The following ZMIZ1 variants were observed in gnomAD, a reference collection of about 807,000 sequenced individuals.
ZMIZ1 encodes zinc finger MIZ domain-containing protein 1.
Under a neutral mutation model 113.9 loss-of-function variants are expected in ZMIZ1, and 17 were observed. The observed-to-expected ratio is 0.15, with a 90% confidence interval of 0.10 to 0.22. The LOEUF (loss-of-function observed/expected upper bound fraction) is 0.22, where lower values mean the gene tolerates loss of function less well. ZMIZ1 is among the 10% of genes least tolerant of loss of function. The pLI, the probability that ZMIZ1 is intolerant of heterozygous loss-of-function variation, is 1.00. For synonymous variants in ZMIZ1, 607 were observed against 603.1 expected (o/e 1.01, Z -0.09); for missense variants, 1,059 against 1,477.8 (o/e 0.72, Z 4.65).
At chr10:79,291,845 G>A (rs914519463) in intron 10 of ZMIZ1, among the ~76,000 whole-genome samples, 2 of 152,172 alleles carry the variant, frequency 1.3e-5, no homozygotes, top group Admixed American at 6.5e-5. Context: ...AGCTGCAGCC[G>A]CAGCTCCGCC....
intron 4 of ZMIZ1, among the ~76,000 whole-genome samples, chr10:79,183,722 G>T (rs1050501371): frequency 6.6e-6 from 1 of 152,170 alleles, no homozygotes; most frequent in African/African-American, 2.4e-5. Context: ...TAATTATATC[G>T]TGTACTATGT....
intron 16 of ZMIZ1, among the ~76,000 whole-genome samples, chr10:79,299,955 T>G (rs1398892666): frequency 1.3e-5 from 2 of 150,480 alleles, no homozygotes; most frequent in Non-Finnish European, 2.9e-5. Flanking sequence ...CAGACCCCCT[T>G]GACTGCCCAG....
Position 79,307,448 on chromosome 10 carries a change from G to C in ZMIZ1, c.2712G>C (p.Gly904=). ...ATGGCAACTTTGACTTCCCCCACGG[G>C]AACCCTGGAGGGACATCCATGAATG... is the stretch of plus-strand genomic sequence containing the variant. The part of the protein sequence containing the change: ...QGHGNFDFPH[G]NPGGTSMNDF... Residue 904 remains glycine (G), a synonymous_variant, in exon 23 of 25, where the codon GGG becomes GGC. Transcript: ENST00000334512. 1 of 1,612,336 alleles carries C rather than the reference G, an allele frequency of 6.2e-7. No homozygotes were observed. Among genetic ancestry groups the C allele is most frequent in the Non-Finnish European group, 8.5e-7 (1 of 1,179,322 alleles).
At chr10:79,138,103 C>G (rs1480129152) in intron 2 of ZMIZ1, among the ~76,000 whole-genome samples, 1 of 152,172 alleles carries the variant, frequency 6.6e-6, no homozygotes, top group East Asian at 1.9e-4. Flanking sequence ...CAGCCAGGGT[C>G]TCCAACCTGT....
chr10:79,204,256 C>G (rs1848220248), intron 5 of ZMIZ1, among the ~76,000 whole-genome samples: 1 of 152,212 alleles, frequency 6.6e-6, no homozygotes, highest in South Asian at 2.1e-4. Context: ...TGCTGGCGTT[C>G]ACCAACCCCC....
chr10:79,097,868 T>A (rs993347443), intron 1 of ZMIZ1, among the ~76,000 whole-genome samples: 2 of 152,188 alleles, frequency 1.3e-5, no homozygotes, highest in African/African-American at 4.8e-5. Context: ...GAGGAGTTCC[T>A]GGAGAGGCCT....
intron 7 of ZMIZ1, among the ~76,000 whole-genome samples, chr10:79,273,489 C>T (rs1302532690): frequency 6.6e-6 from 1 of 152,182 alleles, no homozygotes; most frequent in African/African-American, 2.4e-5. Context: ...TCCCGAGTAG[C>T]TGAGATTAGA....
At chr10:79,221,658 G>T (rs995880567) in intron 7 of ZMIZ1, among the ~76,000 whole-genome samples, 3 of 152,134 alleles carry the variant, frequency 2.0e-5, no homozygotes, top group African/African-American at 7.2e-5. Flanking sequence ...CCAAGCACCA[G>T]GCAGTCGCCA....
intron 19 of ZMIZ1, among the ~76,000 whole-genome samples, chr10:79,304,391 G>A (rs573972766): frequency 6.6e-6 from 1 of 152,192 alleles, no homozygotes; most frequent in Non-Finnish European, 1.5e-5. Flanking sequence ...AAATGGGTTC[G>A]GACAGCCCCT....
In ZMIZ1 at chr10:79,315,875, G is replaced by C. The variant is rs1168822724; in HGVS notation, c.*3126G>C. ...AAAACAAAACAAAAAAAAAAGCTTGGAACTCCATCACGTGGAAAAACTAGA... is the reference window on the plus strand; with the variant it reads ...AAAACAAAACAAAAAAAAAAGCTTGCAACTCCATCACGTGGAAAAACTAGA... On this transcript the variant is annotated 3_prime_UTR_variant, in exon 25 of 25. Coordinates refer to ENST00000334512, the MANE Select transcript of ZMIZ1 (RefSeq NM_020338.4). 6.6e-6 allele frequency: 1 copy of C among 152,646 alleles called. No individual in the cohort carries two copies. Among genetic ancestry groups the C allele is most frequent in the South Asian group, 2.1e-4 (1 of 4,816 alleles). The allele number at this position is 152,646 out of a possible 1,614,324, so 9.5% of individuals were successfully genotyped here.
chr10:79,152,132 C>G (rs1327052234), intron 3 of ZMIZ1, among the ~76,000 whole-genome samples: 1 of 152,208 alleles, frequency 6.6e-6, no homozygotes, highest in Non-Finnish European at 1.5e-5. Context: ...GCCAATTTCC[C>G]CCATTGAAGA....
At chr10:79,222,710 GGA>G (rs1380224778) in intron 7 of ZMIZ1, among the ~76,000 whole-genome samples, 1 of 152,156 alleles carries the variant, frequency 6.6e-6, no homozygotes, top group South Asian at 2.1e-4. Context: ...TGTGGTCCAT[GGA>G]GAGAGTGCTT....
At chr10:79,229,305 C>T (rs532081115) in intron 7 of ZMIZ1, among the ~76,000 whole-genome samples, 19 of 152,354 alleles carry the variant, frequency 1.2e-4, no homozygotes, top group African/African-American at 4.1e-4. Context: ...GCCTCCTTGC[C>T]GGCTGCCTGT....
chr10:79,108,844 C>T (rs1843641997), intron 1 of ZMIZ1, among the ~76,000 whole-genome samples: 1 of 152,104 alleles, frequency 6.6e-6, no homozygotes, highest in South Asian at 2.1e-4. Context: ...TCTGCAAGCC[C>T]ACCTTCTCCC....
At chr10:79,204,348 G>C (rs1262756224) in intron 5 of ZMIZ1, among the ~76,000 whole-genome samples, 1 of 152,174 alleles carries the variant, frequency 6.6e-6, no homozygotes, top group Non-Finnish European at 1.5e-5. Flanking sequence ...TTGGTACTGG[G>C]AGAACCAGTG....
rs1853458748 is a variant in ZMIZ1, at chr10:79,291,016, A to G, written c.598A>G (p.Met200Val). 6.2e-7 allele frequency: 1 copy of G among 1,614,206 alleles called. No homozygotes were observed. Among genetic ancestry groups the G allele is most frequent in the Non-Finnish European group, 8.5e-7 (1 of 1,180,026 alleles). Residue 200 changes from methionine (M) to valine (V), a missense_variant, in exon 10 of 25, where the codon ATG becomes GTG. By Grantham distance (21) the Met-to-Val change is conservative. Transcript: ENST00000334512. ...CCCCATGAATCCAGGCGGCAACCCC[A>G]TGGCGTCGGGCATGACCACCAGCAA... ...NNPMNPGGNP[M>V]ASGMTTSNPG...
At chr10:79,181,619 G>T (rs191220589) in intron 4 of ZMIZ1, among the ~76,000 whole-genome samples, 13 of 152,310 alleles carry the variant, frequency 8.5e-5, no homozygotes, top group Admixed American at 7.8e-4. Flanking sequence ...CCAAACCGTG[G>T]GCAGTGCTCA....
intron 2 of ZMIZ1, among the ~76,000 whole-genome samples, chr10:79,129,738 C>A (rs1031359854): frequency 5.9e-5 from 9 of 152,210 alleles, no homozygotes; most frequent in African/African-American, 1.9e-4. Flanking sequence ...GTTCAGGAAA[C>A]CTCTTCCTTG....
intron 1 of ZMIZ1, among the ~76,000 whole-genome samples, chr10:79,089,347 C>T (rs929625706): frequency 1.3e-5 from 2 of 152,252 alleles, no homozygotes; most frequent in African/African-American, 4.8e-5. Flanking sequence ...GGAAGAGTGG[C>T]ATCAACAACA....
Sources: allele counts gnomAD v4.1 joint callset (sites outside exome capture counted in the v4.1 genomes callset), GRCh38; gene constraint gnomAD v4.1.1; transcripts MANE v1.5; gene names NCBI Gene and HGNC (gene_info 2026-07-23, HGNC 2026-07-21).